The following DEPDC4 variants were observed in gnomAD, a reference collection of about 807,000 sequenced individuals.
DEPDC4 encodes DEP domain-containing protein 4.
Under a neutral mutation model 52.0 loss-of-function variants are expected in DEPDC4, and 52 were observed. The ratio of observed to expected loss-of-function variants is 1.00; its 90% CI spans 0.80 to 1.26. DEPDC4 has a LOEUF of 1.26. DEPDC4 is among the 50% of genes most tolerant of loss of function. The pLI is 0.00. For synonymous variants in DEPDC4, 201 were observed against 196.8 expected (o/e 1.02, Z -0.18); for missense variants, 530 against 546.9 (o/e 0.97, Z 0.31).
upstream of DEPDC4, chr12:100,267,297 G>A: frequency 3.8e-6 from 2 of 524,056 alleles, no homozygotes; most frequent in East Asian, 3.2e-5. Flanking sequence ...GCCAGAGTCA[G>A]TGGCCAGGCA....
intron 1 of DEPDC4, among the ~76,000 whole-genome samples, chr12:100,265,175 T>A (rs1014302188): frequency 6.6e-6 from 1 of 151,942 alleles, no homozygotes; most frequent in Non-Finnish European, 1.5e-5. Context: ...GCTCCTATAG[T>A]CCCAGCTGCT....
At chr12:100,268,723 C>T (rs1381694409), upstream of DEPDC4, among the ~76,000 whole-genome samples, 1 of 152,188 alleles carries the variant, frequency 6.6e-6, no homozygotes, top group Non-Finnish European at 1.5e-5. Flanking sequence ...GGAATAACTA[C>T]TCATATTCAC....
At chr12:100,260,183 C>T (rs1345539362) in intron 3 of DEPDC4, among the ~76,000 whole-genome samples, 1 of 151,854 alleles carries the variant, frequency 6.6e-6, no homozygotes, top group Non-Finnish European at 1.5e-5. Context: ...TGCAAAGGCG[C>T]GATCTCCATT....
chr12:100,235,718 G>A (rs1005215986), downstream of DEPDC4, among the ~76,000 whole-genome samples: 19 of 152,114 alleles, frequency 1.2e-4, no homozygotes, highest in African/African-American at 3.6e-4. Context: ...GGGATTACAG[G>A]TGCCCGCCAC....
chr12:100,266,829 G>A (rs2096275835), intron 1 of DEPDC4, 91 bp downstream of exon 1: 4 of 1,483,568 alleles, frequency 2.7e-6, no homozygotes, highest in Non-Finnish European at 3.6e-6. Context: ...GCGGGGCCCT[G>A]GACCAATGAG....
downstream of DEPDC4, among the ~76,000 whole-genome samples, chr12:100,238,718 C>T (rs1400817654): frequency 6.6e-6 from 1 of 151,796 alleles, no homozygotes; most frequent in African/African-American, 2.4e-5. Flanking sequence ...AACTCGTGGG[C>T]TCAAGGCATC....
At chr12:100,273,078 A>G in the DEPDC4 span, among the ~76,000 whole-genome samples, 1 of 152,020 alleles carries the variant, frequency 6.6e-6, no homozygotes, top group Admixed American at 6.6e-5. Flanking sequence ...CCTTTAGTAT[A>G]TCTTTCACTC....
At chr12:100,245,685 T>C (rs2096182280) in intron 8 of DEPDC4, among the ~76,000 whole-genome samples, 1 of 152,210 alleles carries the variant, frequency 6.6e-6, no homozygotes, top group Non-Finnish European at 1.5e-5. Flanking sequence ...CAGGCCTACA[T>C]AATTTCTCAC....
At chr12:100,238,508 CTT>C (rs374449171), downstream of DEPDC4, among the ~76,000 whole-genome samples, 17 of 107,250 alleles carry the variant, frequency 1.6e-4, no homozygotes, top group African/African-American at 2.9e-4. Flanking sequence ...TAGCTTAGTG[CTT>C]TTTTTTTTTT....
the DEPDC4 span, among the ~76,000 whole-genome samples, chr12:100,272,638 C>A: frequency 6.6e-6 from 1 of 152,292 alleles, no homozygotes; most frequent in South Asian, 2.1e-4. Flanking sequence ...AGTTCTTCCC[C>A]TATAAAACAA....
intron 3 of DEPDC4, among the ~76,000 whole-genome samples, chr12:100,261,036 C>G (rs1300263582): frequency 6.6e-6 from 1 of 151,906 alleles, no homozygotes; most frequent in East Asian, 1.9e-4. Flanking sequence ...CAAAAATTAG[C>G]CGGGTGTGGT....
Position 100,253,553 on chromosome 12 carries a change from T to C in DEPDC4, c.1041A>G (p.Gln347=). 7.8e-7 allele frequency: 1 copy of C among 1,288,748 alleles called. No homozygotes were observed. Among genetic ancestry groups the C allele is most frequent in the African/African-American group, 1.5e-5 (1 of 65,958 alleles). The allele number at this position is 1,288,748 out of a possible 1,614,324, so 79.8% of individuals were successfully genotyped here. The change falls in exon 5 of 10, where the codon CAA becomes CAG. Residue 347 remains glutamine, a synonymous_variant. Coordinates refer to ENST00000550587, the MANE Select transcript of DEPDC4 (RefSeq NM_001364818.2). ...CATCAGTTAATAGGCAATCTCTCTC[T>C]TGAGCATAGTATTTTGCTATGACAT... ...LFDVIAKYYA[Q]ERDCLLTDEY...
chr12:100,281,318 T>G, the DEPDC4 span, among the ~76,000 whole-genome samples: 1 of 152,152 alleles, frequency 6.6e-6, no homozygotes, highest in African/African-American at 2.4e-5. Context: ...CCTGAATGCT[T>G]CTTTATTAGG....
In DEPDC4 at chr12:100,241,771, G is replaced by T. The variant is rs1472824972; in HGVS notation, c.*121C>A. 8 of 1,275,354 alleles carry T rather than the reference G, an allele frequency of 6.3e-6. No individual in the cohort carries two copies. Among genetic ancestry groups the T allele is most frequent in the African/African-American group, 1.5e-5 (1 of 64,904 alleles). 79.0% of individuals were successfully genotyped at this position (1,275,354 alleles called of 1,614,324 possible). ...TTACTATTAATCTCAAGAGCCAACT[G>T]GTGTAGATACTGAATTGTCCTTCCC... On this transcript the variant is annotated 3_prime_UTR_variant, in exon 10 of 10. Transcript: ENST00000550587.
chr12:100,281,848 A>C, the DEPDC4 span, among the ~76,000 whole-genome samples: 1 of 151,942 alleles, frequency 6.6e-6, no homozygotes, highest in African/African-American at 2.4e-5. Context: ...AAAAAAAAAA[A>C]AAGAAAGTAC....
At chr12:100,276,365 C>CT in the DEPDC4 span, among the ~76,000 whole-genome samples, 1 of 152,118 alleles carries the variant, frequency 6.6e-6, no homozygotes, top group East Asian at 1.9e-4. Flanking sequence ...GGATCCCACT[C>CT]TTTGTCACGC....
chr12:100,273,934 A>G, the DEPDC4 span, among the ~76,000 whole-genome samples: 19 of 152,202 alleles, frequency 1.2e-4, no homozygotes, highest in African/African-American at 4.3e-4. Context: ...CGTTAGAGGA[A>G]TAGATATGTA....
At chr12:100,233,693 A>G (rs2096137472) in intron 9 of DEPDC4, among the ~76,000 whole-genome samples, 1 of 152,204 alleles carries the variant, frequency 6.6e-6, no homozygotes, top group South Asian at 2.1e-4. Context: ...TTCAGCCCCA[A>G]CTTTTTTGGT....
downstream of DEPDC4, among the ~76,000 whole-genome samples, chr12:100,236,040 G>A (rs2096140923): frequency 6.6e-6 from 1 of 152,186 alleles, no homozygotes. Flanking sequence ...TTTTATGGCT[G>A]CATAGTATTC....
Sources: gnomAD v4.1 joint callset for allele counts (sites outside exome capture counted in the v4.1 genomes callset) on GRCh38, gnomAD v4.1.1 for gene constraint, MANE v1.5 for transcripts, NCBI Gene and HGNC (gene_info 2026-07-23, HGNC 2026-07-21) for gene names.